TNFRSF11A: variants seen among roughly 807,000 people sequenced by gnomAD.
TNFRSF11A encodes tumor necrosis factor receptor superfamily member 11A.
In TNFRSF11A, 32 loss-of-function variants were observed where a neutral mutation model predicts 55.7. The ratio of observed to expected loss-of-function variants is 0.57; its 90% CI spans 0.43 to 0.77. TNFRSF11A has a LOEUF of 0.77. Ranked by LOEUF, TNFRSF11A falls within the 30% of genes least tolerant of loss-of-function variation. The probability of loss-of-function intolerance (pLI) is 0.00; values close to 1 mark genes in which losing one functional copy is unlikely to be tolerated. For missense variants in TNFRSF11A, 753 were observed against 809.8 expected (o/e 0.93, Z 0.85); for synonymous variants, 311 against 331.0 (o/e 0.94, Z 0.65).
intron 4 of TNFRSF11A, 101 bp downstream of exon 4, chr18:62,354,635 G>A: frequency 6.5e-7 from 1 of 1,547,796 alleles, no homozygotes; most frequent in Non-Finnish European, 8.8e-7. Context: ...CAGGGTGCTA[G>A]GCAGCATTGG....
intron 9 of TNFRSF11A, among the ~76,000 whole-genome samples, chr18:62,380,280 T>C (rs1371212948): frequency 6.6e-6 from 1 of 152,232 alleles, no homozygotes; most frequent in Non-Finnish European, 1.5e-5. Flanking sequence ...CAGTTTACTA[T>C]ATCTCACAAG....
At chr18:62,335,201 G>T (rs1482965995) in intron 1 of TNFRSF11A, among the ~76,000 whole-genome samples, 3 of 150,458 alleles carry the variant, frequency 2.0e-5, no homozygotes, top group Middle Eastern at 3.6e-3. Context: ...CTCGCTTCTC[G>T]GGTTCAAGCA....
chr18:62,329,922 G>A (rs1207125967), intron 1 of TNFRSF11A, among the ~76,000 whole-genome samples: 4 of 152,190 alleles, frequency 2.6e-5, no homozygotes, highest in Non-Finnish European at 5.9e-5. Context: ...GTCAGCAGTG[G>A]GAAGTACATT....
chr18:62,342,417 A>T (rs2145270176), intron 1 of TNFRSF11A, among the ~76,000 whole-genome samples: 1 of 150,900 alleles, frequency 6.6e-6, no homozygotes, highest in Non-Finnish European at 1.5e-5. Context: ...AAAAAAAAAA[A>T]AAAAAAAATC....
intron 9 of TNFRSF11A, among the ~76,000 whole-genome samples, chr18:62,370,290 AG>A (rs1910443295): frequency 6.6e-6 from 1 of 152,204 alleles, no homozygotes; most frequent in Admixed American, 6.5e-5. Context: ...TGTCATTTGA[AG>A]GGTCAGGGAT....
At chr18:62,331,367 T>C (rs1209761001) in intron 1 of TNFRSF11A, among the ~76,000 whole-genome samples, 3 of 152,204 alleles carry the variant, frequency 2.0e-5, no homozygotes, top group Non-Finnish European at 4.4e-5. Context: ...GAAGAAGTGT[T>C]GTTGTTTTTC....
At chr18:62,356,961 C>T (rs1016586387) in intron 4 of TNFRSF11A, among the ~76,000 whole-genome samples, 1 of 152,130 alleles carries the variant, frequency 6.6e-6, no homozygotes, top group Non-Finnish European at 1.5e-5. Context: ...CCCGTCTCTT[C>T]GATTTTGAGG....
chr18:62,339,012 T>C (rs1197922615), intron 1 of TNFRSF11A, among the ~76,000 whole-genome samples: 1 of 152,178 alleles, frequency 6.6e-6, no homozygotes, highest in Non-Finnish European at 1.5e-5. Context: ...GCCTGCACTT[T>C]TCGTCTCCAT....
intron 9 of TNFRSF11A, among the ~76,000 whole-genome samples, chr18:62,370,835 CT>C (rs10539841): frequency 0.57 from 81,384 of 142,634 alleles, 22,767 homozygotes; most frequent in East Asian, 0.7. Context: ...CTTTTCTTTT[CT>C]TTTTTTTTTT....
At chr18:62,354,573 G>A (rs1909110817) in intron 4 of TNFRSF11A, 39 bp downstream of exon 4, 3 of 1,599,654 alleles carry the variant, frequency 1.9e-6, no homozygotes, top group Non-Finnish European at 2.5e-6. Flanking sequence ...CTCTTGCTGA[G>A]CCATGCAAAG....
rs386387923 is a variant in TNFRSF11A at position 62,363,365 on chromosome 18, CTTTT to C, written c.730+1590_730+1593del. Among the ~76,000 whole-genome samples the C allele has an allele frequency of 5.3e-3, 561 of 106,756 alleles. 6 individuals are homozygous for C. The highest frequency in any genetic ancestry group is 0.02 in the African/African-American group (528 of 26,514). 70.0% of individuals were successfully genotyped at this position (106,756 alleles called of 152,430 possible). On this transcript the variant is annotated intron_variant, in intron 7 of 9. Coordinates refer to ENST00000586569, the MANE Select transcript of TNFRSF11A (RefSeq NM_003839.4). ...AGTGAGCAATGTTTGAGTGATGACC[CTTTT>C]TTTTTTTTTTTTTTTTTGAGACAGA... is the stretch of plus-strand genomic sequence containing the variant.
chr18:62,331,130 G>A (rs1347686626), intron 1 of TNFRSF11A, among the ~76,000 whole-genome samples: 1 of 152,172 alleles, frequency 6.6e-6, no homozygotes, highest in Non-Finnish European at 1.5e-5. Context: ...CTTGTATCCA[G>A]GAGGTGGAGG....
In TNFRSF11A at chr18:62,384,354, C is replaced by T. The variant is rs117920956; in HGVS notation, c.1568-397C>T. 8.7e-3 allele frequency among the ~76,000 whole-genome samples: 1,171 copies of T among 134,862 alleles called. 33 individuals carry two copies. The highest frequency in any genetic ancestry group is 0.058 in the East Asian group (248 of 4,296). 88.5% of individuals were successfully genotyped at this position (134,862 alleles called of 152,430 possible). On this transcript the variant is annotated intron_variant, in intron 9 of 9. Coordinates refer to ENST00000586569, the MANE Select transcript of TNFRSF11A (RefSeq NM_003839.4). ...TCCTCCTCCTCTTCCCCTCCTTTAC[C>T]TCCCCTCCTCCTCTCCTCCTCCTCT...
rs528975442 is a variant in TNFRSF11A, at chr18:62,385,159, T to C, written c.*125T>C. On this transcript the variant is annotated 3_prime_UTR_variant, in exon 10 of 10. Transcript: ENST00000586569. ...ACAGTCGAGGAAGACCACCCGGCAT[T>C]CTCTGCCCACTTTGCCTTCCAGGAA... 2.9e-4 allele frequency: 328 copies of C among 1,135,434 alleles called. 1 individual carries two copies. In the East Asian group the frequency reaches 9.6e-3, roughly 33 times the overall value. The allele number at this position is 1,135,434 out of a possible 1,614,324, so 70.3% of individuals were successfully genotyped here. A position where few individuals can be genotyped will look rare whatever the true frequency, so the allele number is the denominator to read the frequency against.
intron 1 of TNFRSF11A, among the ~76,000 whole-genome samples, chr18:62,333,421 G>A (rs867411577): frequency 1.3e-5 from 2 of 152,170 alleles, no homozygotes; most frequent in East Asian, 1.9e-4. Flanking sequence ...TAGAGACCCC[G>A]GGATTCCATG....
intron 1 of TNFRSF11A, among the ~76,000 whole-genome samples, chr18:62,339,507 C>T (rs2046282075): frequency 6.6e-6 from 1 of 152,212 alleles, no homozygotes; most frequent in Non-Finnish European, 1.5e-5. Flanking sequence ...AGTTCTGGCA[C>T]TGCTGTGTGG....
At chr18:62,333,276 G>T (rs956445362) in intron 1 of TNFRSF11A, among the ~76,000 whole-genome samples, 1 of 152,118 alleles carries the variant, frequency 6.6e-6, no homozygotes, top group Non-Finnish European at 1.5e-5. Flanking sequence ...AGTCTCCCCC[G>T]GGAACTCGTT....
In TNFRSF11A at chr18:62,351,308, C is replaced by A. The variant is rs541309966; in HGVS notation, c.283+1371C>A. ...GTGAGCCACAATGCCCGGCCTGACC[C>A]CTTCTTATAAATTGGTTGTTAGATC... is the stretch of plus-strand genomic sequence containing the variant. On this transcript the variant is annotated intron_variant, in intron 3 of 9. Transcript: ENST00000586569. Among the ~76,000 whole-genome samples the A allele has an allele frequency of 7.2e-5, 11 of 152,280 alleles. No individual in the cohort carries two copies. The South Asian group carries it at 2.3e-3, about 32-fold the overall frequency.
chr18:62,340,399 A>G (rs1442206521), intron 1 of TNFRSF11A, among the ~76,000 whole-genome samples: 4 of 151,776 alleles, frequency 2.6e-5, no homozygotes, highest in African/African-American at 9.7e-5. Context: ...TTAAAGTTTT[A>G]TAGAGACAGG....
Sources: gnomAD v4.1 joint callset for allele counts (sites outside exome capture counted in the v4.1 genomes callset) on GRCh38, gnomAD v4.1.1 for gene constraint, MANE v1.5 for transcripts, NCBI Gene and HGNC (gene_info 2026-07-23, HGNC 2026-07-21) for gene names.